The following NR4A3 variants were observed in gnomAD, a reference collection of about 807,000 sequenced individuals.
The protein encoded by NR4A3 is nuclear receptor subfamily 4 group A member 3.
NR4A3 carries 13 observed loss-of-function variants against 55.6 expected under a neutral mutation model. That is an observed-to-expected ratio of 0.23 (90% confidence interval 0.15 to 0.37). The LOEUF is 0.37. NR4A3 is among the 10% of genes least tolerant of loss of function. NR4A3 has a pLI of 1.00. For synonymous variants in NR4A3, 342 were observed against 357.9 expected, an observed-to-expected ratio of 0.96 and a Z score of 0.50; for missense variants, 646 against 822.8, an observed-to-expected ratio of 0.79 and a Z score of 2.63.
At chr9:99,851,792 A>G (rs764511614) in intron 7 of NR4A3, among the ~76,000 whole-genome samples, 3 of 152,206 alleles carry the variant, frequency 2.0e-5, no homozygotes, top group East Asian at 1.9e-4. Flanking sequence ...TGGGATACCA[A>G]TGAGTTGATA....
At position 99,833,931 on chromosome 9, in the gene NR4A3, CTG is replaced by C. The variant is rs1401058679; in HGVS notation, c.1254+480_1254+481del. Reference sequence around the variant, plus strand: ...ATTGGTGGAGAGAAGCGAGCTCTGGCTGTGACATCAGTTGTCAGGAGAACTGG... The same window carrying C: ...ATTGGTGGAGAGAAGCGAGCTCTGGCTGACATCAGTTGTCAGGAGAACTGG... On this transcript the variant is annotated intron_variant, in intron 5 of 7. Transcript: ENST00000395097. 1.9e-5 allele frequency: 22 copies of C among 1,185,974 alleles called. No homozygotes were observed. The African/African-American group carries it at 3.4e-4, about 19-fold the overall frequency. The allele number at this position is 1,185,974 out of a possible 1,614,324, so 73.5% of individuals were successfully genotyped here. A position where few individuals can be genotyped will look rare whatever the true frequency, so the allele number is the denominator to read the frequency against.
chr9:99,834,111 T>C (rs753146614), intron 5 of NR4A3: 69 of 913,274 alleles, frequency 7.6e-5, no homozygotes, highest in Non-Finnish European at 8.9e-5. Context: ...AAAATGTTTT[T>C]AAGACCATAA....
intron 3 of NR4A3, among the ~76,000 whole-genome samples, chr9:99,829,599 T>C (rs567756332): frequency 2.6e-5 from 4 of 152,196 alleles, no homozygotes; most frequent in African/African-American, 7.2e-5. Context: ...CCAACCCACG[T>C]TTGCGTGACC....
At chr9:99,842,696 C>A (rs1332183783) in intron 5 of NR4A3, among the ~76,000 whole-genome samples, 2 of 152,032 alleles carry the variant, frequency 1.3e-5, no homozygotes, top group Non-Finnish European at 2.9e-5. Context: ...TGCCACTGCA[C>A]CCCAGCCTGG....
At chr9:99,832,924 T>C in intron 4 of NR4A3, 106 bp downstream of exon 4, 2 of 999,824 alleles carry the variant, frequency 2.0e-6, no homozygotes, top group Non-Finnish European at 2.8e-6. Context: ...TAGTTCCTTT[T>C]TCCTTTCAAC....
At chr9:99,847,352 G>A in intron 6 of NR4A3, 85 bp from the exon 7 acceptor site, 1 of 1,317,820 alleles carries the variant, frequency 7.6e-7, no homozygotes, top group South Asian at 1.3e-5. Context: ...CCCCATGGCT[G>A]TCTGTGTGCC....
Position 99,828,952 on chromosome 9 carries a change from T to A in NR4A3, c.910T>A (p.Tyr304Asn). ...VCGDNAACQH[Y>N]GVRTCEGCKG... Reference sequence around the variant, plus strand: ...CGGGGACAACGCCGCCTGCCAGCACTACGGCGTGCGAACCTGCGAGGGCTG... The same window carrying A: ...CGGGGACAACGCCGCCTGCCAGCACAACGGCGTGCGAACCTGCGAGGGCTG... The change falls in exon 3 of 8, where the codon TAC becomes AAC. Residue 304 changes from tyrosine (Y) to asparagine (N), a missense_variant. Coordinates refer to ENST00000395097, the MANE Select transcript of NR4A3 (RefSeq NM_006981.4). The surrounding 1 kb of genome is among the most constrained non-coding windows in gnomAD (Gnocchi z 7.7). The A allele has an allele frequency of 7.0e-7, 1 of 1,420,594 alleles. No individual in the cohort carries two copies. The highest frequency in any genetic ancestry group is 9.2e-7 in the Non-Finnish European group (1 of 1,085,792). 88.0% of individuals were successfully genotyped at this position (1,420,594 alleles called of 1,614,324 possible). A position where few individuals can be genotyped will look rare whatever the true frequency, so the allele number is the denominator to read the frequency against.
In NR4A3 at chr9:99,865,308, A is replaced by ATG; in HGVS notation, c.*1442_*1443insGT. On this transcript the variant is annotated 3_prime_UTR_variant, in exon 8 of 8. Transcript: ENST00000395097. The surrounding 1 kb of genome is among the most constrained non-coding windows in gnomAD (Gnocchi z 4.3). ...TTAGAAATTAAATAAGCAAATATAT[A>ATG]TATATATATAAATATAGCAGGTTAC... 5.9e-6 allele frequency: 1 copy of ATG among 169,982 alleles called. No individual in the cohort carries two copies. The highest frequency in any genetic ancestry group is 1.1e-4 in the East Asian group (1 of 9,086). 10.5% of individuals were successfully genotyped at this position (169,982 alleles called of 1,614,324 possible). A position where few individuals can be genotyped will look rare whatever the true frequency, so the allele number is the denominator to read the frequency against.
chr9:99,850,636 G>A (rs1193959694), intron 7 of NR4A3, among the ~76,000 whole-genome samples: 1 of 152,132 alleles, frequency 6.6e-6, no homozygotes, highest in African/African-American at 2.4e-5. Flanking sequence ...AATCGAGCAC[G>A]CCCAGATTTT....
intron 1 of NR4A3, among the ~76,000 whole-genome samples, chr9:99,824,025 A>G (rs1011195129): frequency 6.6e-6 from 1 of 152,042 alleles, no homozygotes; most frequent in African/African-American, 2.4e-5. Flanking sequence ...CCCACGAGAA[A>G]GAAAGGGGCT....
At chr9:99,832,353 A>G (rs1213356701) in intron 3 of NR4A3, among the ~76,000 whole-genome samples, 1 of 152,196 alleles carries the variant, frequency 6.6e-6, no homozygotes, top group African/African-American at 2.4e-5. Context: ...GGGGAGTGGA[A>G]CAAGTAGAAA....
At chr9:99,847,908 G>C (rs190844001) in intron 7 of NR4A3, among the ~76,000 whole-genome samples, 4 of 152,300 alleles carry the variant, frequency 2.6e-5, no homozygotes, top group Admixed American at 6.5e-5. Flanking sequence ...AGCTGCTTCA[G>C]GGTTTGTTTG....
At position 99,822,719 on chromosome 9, in the gene NR4A3, C is replaced by T. The variant is rs1198875295; in HGVS notation, c.-177+312C>T. Among the ~76,000 whole-genome samples, 1 of 152,188 alleles carries T rather than the reference C, an allele frequency of 6.6e-6. No individual in the cohort carries two copies. The highest frequency in any genetic ancestry group is 2.1e-4 in the South Asian group (1 of 4,820). On this transcript the variant is annotated intron_variant, in intron 1 of 7. Transcript: ENST00000395097. The surrounding 1 kb of genome is among the most constrained non-coding windows in gnomAD (Gnocchi z 4.9). ...AGCGATGTAATTCAGGGTATTTCGG[C>T]TCTAGTTGTCATGGTAATGATGCTC... is the stretch of plus-strand genomic sequence containing the variant.
chr9:99,833,239 C>T, intron 4 of NR4A3, 43 bp from the exon 5 acceptor site: 2 of 1,544,702 alleles, frequency 1.3e-6, no homozygotes, highest in Middle Eastern at 1.7e-4. Context: ...TCGTTCATTC[C>T]ATAATCTTTG....
chr9:99,840,552 C>G (rs939570919), intron 5 of NR4A3, among the ~76,000 whole-genome samples: 1 of 152,208 alleles, frequency 6.6e-6, no homozygotes, highest in African/African-American at 2.4e-5. Flanking sequence ...GCAATAACAT[C>G]ATACCTGGTG....
chr9:99,848,011 C>T (rs913559373), intron 7 of NR4A3, among the ~76,000 whole-genome samples: 1 of 152,146 alleles, frequency 6.6e-6, no homozygotes, highest in Middle Eastern at 3.2e-3. Context: ...CTCAAGTGAT[C>T]CTCCCACTTC....
At position 99,844,734 on chromosome 9, in the gene NR4A3, T is replaced by C; in HGVS notation, c.1340T>C (p.Val447Ala). 1 of 1,614,176 alleles carries C rather than the reference T, an allele frequency of 6.2e-7. No homozygotes were observed. Among genetic ancestry groups the C allele is most frequent in the Non-Finnish European group, 8.5e-7 (1 of 1,179,984 alleles). The change falls in exon 6 of 8, where the codon GTA becomes GCA. Residue 447 changes from valine (V) to alanine (A), a missense_variant. Around this residue, in one of 5 missense-constraint regions of NR4A3, gnomAD observed 163 missense variants for 233.0 expected, o/e 0.70. Coordinates refer to ENST00000395097, the MANE Select transcript of NR4A3 (RefSeq NM_006981.4). ...AACCTCCTGACAGCCTCCATTGATG[T>C]ATCCAGAAGCTGGGCAGAAAAGATT... ...FYNLLTASID[V>A]SRSWAEKIPG...
chr9:99,853,241 G>T (rs1292001943), intron 7 of NR4A3, among the ~76,000 whole-genome samples: 1 of 151,406 alleles, frequency 6.6e-6, no homozygotes, highest in Non-Finnish European at 1.5e-5. Context: ...CTTCCATGAA[G>T]AGCCAGCTGT....
In NR4A3 at chr9:99,863,997, A is replaced by C; in HGVS notation, c.*130A>C. The C allele has an allele frequency of 9.0e-7, 1 of 1,113,638 alleles. No homozygotes were observed. Among genetic ancestry groups the C allele is most frequent in the Non-Finnish European group, 1.3e-6 (1 of 792,172 alleles). 69.0% of individuals were successfully genotyped at this position (1,113,638 alleles called of 1,614,324 possible). A position where few individuals can be genotyped will look rare whatever the true frequency, so the allele number is the denominator to read the frequency against. On this transcript the variant is annotated 3_prime_UTR_variant, in exon 8 of 8. Coordinates refer to ENST00000395097, the MANE Select transcript of NR4A3 (RefSeq NM_006981.4). ...GAAAAGCAGCTCCTGTAGAAAGCAAAGACTTTCTTTTTTTTCTGGCTCTTT... is the reference window on the plus strand; with the variant it reads ...GAAAAGCAGCTCCTGTAGAAAGCAACGACTTTCTTTTTTTTCTGGCTCTTT...
Sources: gnomAD v4.1 joint callset for allele counts (sites outside exome capture counted in the v4.1 genomes callset) on GRCh38, gnomAD v4.1.1 for gene constraint, gnomAD v4.1.1 regional missense constraint, Gnocchi (gnomAD v3.1) non-coding constraint, MANE v1.5 for transcripts, NCBI Gene and HGNC (gene_info 2026-07-23, HGNC 2026-07-21) for gene names.